CLMN: variants seen among roughly 807,000 people sequenced by gnomAD.
CLMN encodes the protein calmin (calponin-like, transmembrane).
A neutral mutation model predicts 92.7 loss-of-function variants in CLMN; 57 were observed. The observed-to-expected ratio is 0.61, with a 90% CI of 0.50 to 0.77. The LOEUF (loss-of-function observed/expected upper bound fraction) is 0.77. Among genes scored for constraint, CLMN ranks in the 30% least tolerant of loss-of-function variants. The pLI is 0.00. For missense variants in CLMN, 1,158 were observed against 1,237.5 expected, an observed-to-expected ratio of 0.94 and a Z score of 0.96; for synonymous variants, 466 against 470.6, an observed-to-expected ratio of 0.99 and a Z score of 0.13.
chr14:95,220,641 G>A (rs2140615293), intron 4 of CLMN, among the ~76,000 whole-genome samples: 1 of 152,240 alleles, frequency 6.6e-6, no homozygotes, highest in Admixed American at 6.5e-5. Context: ...GAACTACTGG[G>A]AGGGGACTAT....
rs536269533 is a variant in CLMN at position 95,208,698 on chromosome 14, C to T, written c.885+697G>A. Among the ~76,000 whole-genome samples the T allele has an allele frequency of 3.3e-5, 5 of 152,282 alleles. No homozygotes were observed. The East Asian group carries it at 5.8e-4, about 18-fold the overall frequency. The stretch of plus-strand genomic sequence containing the variant: ...ATGTAAATAGTTCCCCCCTTATTTG[C>T]GGTTTTTCTTTCTGAGGTTTCAGTC... On this transcript the variant is annotated intron_variant, in intron 8 of 12. Transcript: ENST00000298912.
Position 95,204,245 on chromosome 14 carries a change from G to C in CLMN, c.1104C>G (p.Ser368=). The change falls in exon 9 of 13, where the codon TCC becomes TCG. Residue 368 remains serine (S), a synonymous_variant. Transcript: ENST00000298912. The stretch of plus-strand genomic sequence containing the variant: ...TGGAGCTGTCTGACAGCGCATGGCT[G>C]GAAACACCATCCAGGCGGAATTCCT... ...SMKEFRLDGV[S]SHALSDSSTE... is the part of the protein sequence containing the mutation. The C allele has an allele frequency of 2.5e-6, 4 of 1,614,090 alleles. No homozygotes were observed. The highest frequency in any genetic ancestry group is 3.4e-6 in the Non-Finnish European group (4 of 1,180,022).
intron 1 of CLMN, among the ~76,000 whole-genome samples, chr14:95,285,420 G>A (rs1900302942): frequency 6.6e-6 from 1 of 152,146 alleles, no homozygotes; most frequent in South Asian, 2.1e-4. Flanking sequence ...TTCCAGGAAA[G>A]GAGAGTATGA....
intron 4 of CLMN, among the ~76,000 whole-genome samples, chr14:95,220,298 T>G (rs1338851883): frequency 4.7e-5 from 7 of 147,976 alleles, no homozygotes; most frequent in Non-Finnish European, 4.5e-5. Flanking sequence ...TGCCTCAGCC[T>G]CCCTCGTAGC....
chr14:95,295,630 G>A (rs1900780419), intron 1 of CLMN, among the ~76,000 whole-genome samples: 1 of 152,174 alleles, frequency 6.6e-6, no homozygotes. Context: ...TAGAGCAAAA[G>A]GGAAAACATA....
At position 95,310,541 on chromosome 14, in the gene CLMN, T is replaced by C. The variant is rs560232685; in HGVS notation, c.82+9170A>G. Among the ~76,000 whole-genome samples the C allele has an allele frequency of 4.6e-5, 7 of 152,364 alleles. 1 individual carries two copies. The South Asian group carries it at 1.2e-3, about 27-fold the overall frequency. On this transcript the variant is annotated intron_variant, in intron 1 of 12. Coordinates refer to ENST00000298912, the MANE Select transcript of CLMN (RefSeq NM_024734.4). ...TATTCACCCGTTTGGGGGATTAGGA[T>C]GTGGACATCTTGCAGGGGAGGCATT...
At chr14:95,217,911 A>C (rs1485834637) in intron 4 of CLMN, among the ~76,000 whole-genome samples, 1 of 152,240 alleles carries the variant, frequency 6.6e-6, no homozygotes, top group Non-Finnish European at 1.5e-5. Context: ...CCCTCAGAGA[A>C]CTGGGATGAG....
chr14:95,283,329 C>T (rs2140744188), intron 1 of CLMN, among the ~76,000 whole-genome samples: 1 of 152,304 alleles, frequency 6.6e-6, no homozygotes, highest in South Asian at 2.1e-4. Context: ...ACTGTAAGTC[C>T]AATTAAACCT....
rs1896658171 is a variant in CLMN, at chr14:95,194,829, A to G, written c.2709-233T>C. On this transcript the variant is annotated intron_variant, in intron 10 of 12. Transcript: ENST00000298912. This position sits in a 1 kb window ranked among gnomAD's most constrained non-coding sequence, Gnocchi z 4.0. ...CATTGGGCCCTCATCTACAAGAAAA[A>G]TCAAAGTCAGGATTTTAAATAGAAA... Among the ~76,000 whole-genome samples, 1 of 152,236 alleles carries G rather than the reference A, an allele frequency of 6.6e-6. No individual in the cohort carries two copies. The highest frequency in any genetic ancestry group is 1.5e-5 in the Non-Finnish European group (1 of 68,050).
At chr14:95,232,267 A>G (rs2140638296) in intron 1 of CLMN, among the ~76,000 whole-genome samples, 1 of 152,226 alleles carries the variant, frequency 6.6e-6, no homozygotes, top group East Asian at 1.9e-4. Flanking sequence ...TTCCTTCAAT[A>G]TCTGAGCCAG....
chr14:95,246,810 C>T (rs938618209), intron 1 of CLMN, among the ~76,000 whole-genome samples: 2 of 152,176 alleles, frequency 1.3e-5, no homozygotes, highest in Non-Finnish European at 2.9e-5. Flanking sequence ...GATCTGTGGG[C>T]CTCACCATAG....
At chr14:95,271,616 A>C (rs929234751) in intron 1 of CLMN, among the ~76,000 whole-genome samples, 23 of 152,350 alleles carry the variant, frequency 1.5e-4, no homozygotes, top group African/African-American at 5.5e-4. Flanking sequence ...AAGAGAACAG[A>C]GTAGTATGTA....
intron 1 of CLMN, among the ~76,000 whole-genome samples, chr14:95,312,102 G>T (rs566167724): frequency 2.6e-5 from 4 of 152,224 alleles, no homozygotes; most frequent in East Asian, 1.9e-4. Flanking sequence ...GGGCAGTCTA[G>T]CTGTGCAAAT....
chr14:95,255,579 C>A (rs963384112), intron 1 of CLMN, among the ~76,000 whole-genome samples: 2 of 152,290 alleles, frequency 1.3e-5, no homozygotes, highest in East Asian at 1.9e-4. Flanking sequence ...GCATCCCCTG[C>A]AGAGAAGGAG....
intron 1 of CLMN, among the ~76,000 whole-genome samples, chr14:95,317,328 C>T (rs1363314734): frequency 1.3e-5 from 2 of 152,110 alleles, no homozygotes; most frequent in Non-Finnish European, 2.9e-5. Flanking sequence ...AAGACAGATG[C>T]CTGCCCCCAT....
Position 95,213,214 on chromosome 14 carries a change from C to T in CLMN, c.608+5G>A, listed in dbSNP as rs899161768. ...AGTAGTGTGGGGAGAGGGGCTGCGG[C>T]TTACTTTCTCGTTTTCCTCTGCACC... On this transcript the variant is annotated splice_donor_5th_base_variant and intron_variant, in intron 6 of 12. Coordinates refer to ENST00000298912, the MANE Select transcript of CLMN (RefSeq NM_024734.4). The T allele has an allele frequency of 1.2e-6, 2 of 1,612,872 alleles. No individual in the cohort carries two copies. Among genetic ancestry groups the T allele is most frequent in the Non-Finnish European group, 1.7e-6 (2 of 1,179,640 alleles).
chr14:95,223,834 T>G lies in CLMN; in HGVS notation c.166A>C (p.Lys56Gln). 2 of 1,613,334 alleles carry G rather than the reference T, an allele frequency of 1.2e-6. No individual in the cohort carries two copies. Among genetic ancestry groups the G allele is most frequent in the Non-Finnish European group, 1.7e-6 (2 of 1,179,796 alleles). Residue 56 changes from lysine (K) to glutamine (Q), a missense_variant, in exon 3 of 13, where the codon AAA (lysine) becomes CAA (glutamine). Transcript: ENST00000298912. ...LEKCNPPLEVKDLFVDIQDGK... is the reference protein window; with the variant it reads ...LEKCNPPLEVQDLFVDIQDGK... Reference sequence around the variant, plus strand: ...TCTTGTATATCGACGAATAAATCTTTAACTTCTAGAGGTGGGTTGCACTTT... The same window carrying G: ...TCTTGTATATCGACGAATAAATCTTGAACTTCTAGAGGTGGGTTGCACTTT...
rs557009352 is a variant in CLMN, at chr14:95,317,788, T to A, written c.82+1923A>T. Among the ~76,000 whole-genome samples the A allele has an allele frequency of 7.2e-5, 11 of 152,290 alleles. No individual in the cohort carries two copies. In the East Asian group the frequency reaches 1.7e-3, roughly 24 times the overall value. On this transcript the variant is annotated intron_variant, in intron 1 of 12. Coordinates refer to ENST00000298912, the MANE Select transcript of CLMN (RefSeq NM_024734.4). The stretch of plus-strand genomic sequence containing the variant: ...AAATCTACATCTTGATCTGGGTGGT[T>A]GTTACATAGATGTACTCATACATAA...
At chr14:95,271,400 GA>G (rs1899704922) in intron 1 of CLMN, among the ~76,000 whole-genome samples, 1 of 152,184 alleles carries the variant, frequency 6.6e-6, no homozygotes, top group Admixed American at 6.5e-5. Context: ...CCTGTCTAGA[GA>G]GGCCACATTC....
Sources: allele counts gnomAD v4.1 joint callset (sites outside exome capture counted in the v4.1 genomes callset), GRCh38; gene constraint gnomAD v4.1.1; non-coding constraint Gnocchi (gnomAD v3.1); transcripts MANE v1.5; gene names NCBI Gene and HGNC (gene_info 2026-07-23, HGNC 2026-07-21).